Variants in DLGAP2 observed in about 807,000 individuals in gnomAD.
DLGAP2 encodes disks large-associated protein 2.
In DLGAP2, 26 loss-of-function variants were observed where a neutral mutation model predicts 100.3. That is an observed-to-expected ratio of 0.26 (90% CI 0.19 to 0.36). The LOEUF is 0.36. DLGAP2 is among the 10% of genes least tolerant of loss of function. The probability of loss-of-function intolerance (pLI) is 1.00; values close to 1 mark genes in which losing one functional copy is unlikely to be tolerated. For synonymous variants in DLGAP2, 886 were observed against 630.1 expected (o/e 1.41, Z -6.08); for missense variants, 1,858 against 1,453.2 (o/e 1.28, Z -4.53).
chr8:1,614,227 GA>G (rs1453549433), intron 6 of DLGAP2, among the ~76,000 whole-genome samples: 1 of 151,930 alleles, frequency 6.6e-6, no homozygotes, highest in Non-Finnish European at 1.5e-5. Context: ...TTCACAGGCA[GA>G]AAAAAAACGG....
At chr8:1,645,994 G>A (rs539442645) in intron 8 of DLGAP2, among the ~76,000 whole-genome samples, 28 of 152,300 alleles carry the variant, frequency 1.8e-4, no homozygotes, top group Admixed American at 5.9e-4. Flanking sequence ...GAATAATGCC[G>A]CACAGTTCTC....
chr8:1,366,748 C>G (rs1379203310), intron 3 of DLGAP2, among the ~76,000 whole-genome samples: 1 of 152,162 alleles, frequency 6.6e-6, no homozygotes, highest in African/African-American at 2.4e-5. Flanking sequence ...AGGCATCATC[C>G]AGGAGGCTGG....
chr8:1,506,589 GC>G (rs1799927939), intron 4 of DLGAP2, among the ~76,000 whole-genome samples: 2 of 152,156 alleles, frequency 1.3e-5, no homozygotes, highest in Admixed American at 1.3e-4. Flanking sequence ...CATCCACACT[GC>G]CCAAGACGAT....
chr8:1,356,984 C>T (rs1801868482), intron 3 of DLGAP2, among the ~76,000 whole-genome samples: 1 of 152,322 alleles, frequency 6.6e-6, no homozygotes, highest in Non-Finnish European at 1.5e-5. Context: ...TGCTCATAAC[C>T]TGGAACACAC....
At chr8:1,408,508 C>T (rs1319136296) in intron 3 of DLGAP2, among the ~76,000 whole-genome samples, 1 of 152,160 alleles carries the variant, frequency 6.6e-6, no homozygotes, top group African/African-American at 2.4e-5. Flanking sequence ...CTTCTCTGGG[C>T]CTTGGATGAT....
intron 2 of DLGAP2, among the ~76,000 whole-genome samples, chr8:1,066,011 A>T (rs6983981): frequency 6.6e-6 from 1 of 152,100 alleles, no homozygotes; most frequent in Non-Finnish European, 1.5e-5. Flanking sequence ...GGTGGTGTCC[A>T]GGCTGTGCAG....
At chr8:887,705 G>T (rs1797949589) in intron 1 of DLGAP2, among the ~76,000 whole-genome samples, 1 of 152,170 alleles carries the variant, frequency 6.6e-6, no homozygotes, top group Non-Finnish European at 1.5e-5. Flanking sequence ...TTGACTCCCA[G>T]TCTCTTCTGG....
intron 6 of DLGAP2, among the ~76,000 whole-genome samples, chr8:1,574,583 C>T (rs1487563231): frequency 6.6e-6 from 1 of 152,166 alleles, no homozygotes; most frequent in Non-Finnish European, 1.5e-5. Flanking sequence ...GCCTCAATAC[C>T]ATCGAGCAAG....
At chr8:1,491,157 G>C (rs1584950946) in intron 3 of DLGAP2, among the ~76,000 whole-genome samples, 1 of 147,228 alleles carries the variant, frequency 6.8e-6, no homozygotes, top group Non-Finnish European at 1.5e-5. Context: ...AGGACGCCCA[G>C]TTAGGTTTGC....
At chr8:1,288,578 T>A (rs1208745874) in intron 3 of DLGAP2, among the ~76,000 whole-genome samples, 1 of 109,322 alleles carries the variant, frequency 9.1e-6, no homozygotes, top group Non-Finnish European at 1.8e-5. Flanking sequence ...GGGGAACTAG[T>A]TTCAGTTGAG....
At chr8:875,103 C>A (rs931384847) in intron 1 of DLGAP2, among the ~76,000 whole-genome samples, 3 of 152,084 alleles carry the variant, frequency 2.0e-5, no homozygotes, top group African/African-American at 4.8e-5. Context: ...ATATATTTTT[C>A]TATCCTTTTA....
intron 3 of DLGAP2, among the ~76,000 whole-genome samples, chr8:1,350,954 G>T (rs1585288232): frequency 7.1e-6 from 1 of 140,164 alleles, no homozygotes; most frequent in African/African-American, 2.9e-5. Flanking sequence ...CTGAGTGTGT[G>T]TGGAAAGGCC....
intron 3 of DLGAP2, among the ~76,000 whole-genome samples, chr8:1,295,083 G>A (rs1277250846): frequency 6.6e-6 from 1 of 152,090 alleles, no homozygotes; most frequent in Non-Finnish European, 1.5e-5. Context: ...CAGCAAACAG[G>A]AAATCTACTA....
chr8:1,434,332 A>C (rs761051346), intron 3 of DLGAP2, among the ~76,000 whole-genome samples: 39 of 152,262 alleles, frequency 2.6e-4, no homozygotes, highest in Middle Eastern at 3.4e-3. Flanking sequence ...ACCAGGTGGA[A>C]GAGCCATGTG....
At chr8:746,710 G>T (rs542179475) in intron 1 of DLGAP2, among the ~76,000 whole-genome samples, 1 of 152,298 alleles carries the variant, frequency 6.6e-6, no homozygotes, top group East Asian at 1.9e-4. Context: ...CATACTTTTG[G>T]CTGCATATAA....
intron 3 of DLGAP2, among the ~76,000 whole-genome samples, chr8:1,411,411 T>C (rs759934948): frequency 1.7e-4 from 26 of 152,240 alleles, no homozygotes; most frequent in Non-Finnish European, 3.1e-4. Context: ...CACGAAGGAC[T>C]TGACCCCTGA....
chr8:1,701,465 C>G lies in DLGAP2; in HGVS notation c.*59C>G, dbSNP rs891847407. The G allele has an allele frequency of 2.0e-6, 3 of 1,495,370 alleles. No homozygotes were observed. Among genetic ancestry groups the G allele is most frequent in the South Asian group, 2.5e-5 (2 of 81,036 alleles). The allele number at this position is 1,495,370 out of a possible 1,614,324, so 92.6% of individuals were successfully genotyped here. A position where few individuals can be genotyped will look rare whatever the true frequency, so the allele number is the denominator to read the frequency against. The stretch of plus-strand genomic sequence containing the variant: ...CGCTTTCCCGGACGCTTGTGCAGCG[C>G]GGCGCCGCCCTGGTGGTTTCTGTCT... On this transcript the variant is annotated 3_prime_UTR_variant, in exon 15 of 15. Coordinates refer to ENST00000637795, the MANE Select transcript of DLGAP2 (RefSeq NM_001346810.2).
intron 2 of DLGAP2, among the ~76,000 whole-genome samples, chr8:1,196,231 T>C (rs915966269): frequency 2.0e-5 from 3 of 152,250 alleles, no homozygotes; most frequent in Non-Finnish European, 2.9e-5. Flanking sequence ...CTTTTAGAAG[T>C]AGGCCACGTT....
intron 1 of DLGAP2, among the ~76,000 whole-genome samples, chr8:816,157 T>C (rs574804006): frequency 1.3e-5 from 2 of 152,320 alleles, no homozygotes; most frequent in African/African-American, 4.8e-5. Flanking sequence ...GAATTCTTAT[T>C]CATTCTACCA....
Sources: allele counts gnomAD v4.1 joint callset (sites outside exome capture counted in the v4.1 genomes callset), GRCh38; gene constraint gnomAD v4.1.1; transcripts MANE v1.5; gene names NCBI Gene and HGNC (gene_info 2026-07-23, HGNC 2026-07-21).